The following ATF7 variants were observed in gnomAD, a reference collection of about 807,000 sequenced individuals.
ATF7 encodes the protein cyclic AMP-dependent transcription factor ATF-7.
A neutral mutation model predicts 50.4 loss-of-function variants in ATF7; 10 were observed. The ratio of observed to expected loss-of-function variants is 0.20; its 90% CI spans 0.12 to 0.34. The LOEUF is 0.34. Ranked by LOEUF, ATF7 falls within the 10% of genes least tolerant of loss-of-function variation. ATF7 has a pLI of 1.00. For synonymous variants in ATF7, 201 were observed against 226.4 expected (o/e 0.89, Z 1.01); for missense variants, 465 against 613.9 (o/e 0.76, Z 2.56).
At chr12:53,564,839 A>C (rs1311999698) in intron 2 of ATF7, among the ~76,000 whole-genome samples, 2 of 152,166 alleles carry the variant, frequency 1.3e-5, no homozygotes, top group East Asian at 3.8e-4. Flanking sequence ...ACATGGCCCA[A>C]CATAAATTCG....
chr12:53,622,779 C>G (rs1371313418), intron 1 of ATF7, among the ~76,000 whole-genome samples: 1 of 152,016 alleles, frequency 6.6e-6, no homozygotes, highest in Non-Finnish European at 1.5e-5. Context: ...TCCAGAAGAG[C>G]CTGGGCAATG....
intron 1 of ATF7, among the ~76,000 whole-genome samples, chr12:53,606,612 G>C (rs572958712): frequency 9.7e-4 from 147 of 151,778 alleles, no homozygotes; most frequent in African/African-American, 3.3e-3. Flanking sequence ...TGTGCACAAC[G>C]TGCAGGTTTG....
chr12:53,609,533 G>C (rs1943759679), intron 1 of ATF7, among the ~76,000 whole-genome samples: 1 of 151,252 alleles, frequency 6.6e-6, no homozygotes, highest in Non-Finnish European at 1.5e-5. Context: ...AGCTACTCGG[G>C]AGCTCGGGAG....
At chr12:53,545,625 C>T (rs756276699) in intron 3 of ATF7, among the ~76,000 whole-genome samples, 4 of 152,014 alleles carry the variant, frequency 2.6e-5, no homozygotes, top group Admixed American at 2.0e-4. Flanking sequence ...CGTGAGCCAC[C>T]GCGCCTAGCC....
intron 1 of ATF7, among the ~76,000 whole-genome samples, chr12:53,605,807 AAAC>A (rs1295601079): frequency 6.6e-6 from 1 of 152,238 alleles, no homozygotes; most frequent in Admixed American, 6.5e-5. Flanking sequence ...ATCTAGATTA[AAAC>A]TTCAGGAAGC....
rs981868073 is a variant in ATF7 at position 53,522,024 on chromosome 12, T to C, written c.1234+1252A>G. Among the ~76,000 whole-genome samples the C allele has an allele frequency of 2.6e-5, 4 of 152,248 alleles. No homozygotes were observed. The East Asian group carries it at 5.8e-4, about 22-fold the overall frequency. On this transcript the variant is annotated intron_variant, in intron 11 of 11. Coordinates refer to ENST00000420353, the MANE Select transcript of ATF7 (RefSeq NM_006856.3). ...TGAATTTAATTTGTAAAAAGAAAAC[T>C]AGCATTTATTAGCTTTTATTGACCA... is the stretch of plus-strand genomic sequence containing the variant.
intron 4 of ATF7, among the ~76,000 whole-genome samples, chr12:53,539,740 GA>G (rs1331257583): frequency 2.7e-5 from 4 of 150,838 alleles, no homozygotes; most frequent in African/African-American, 9.8e-5. Flanking sequence ...GAAAAAAAAT[GA>G]CAAAAAGACT....
chr12:53,613,336 G>C (rs953523637), intron 1 of ATF7, among the ~76,000 whole-genome samples: 6 of 152,148 alleles, frequency 3.9e-5, no homozygotes, highest in Non-Finnish European at 7.3e-5. Context: ...ACATTAAAGA[G>C]ATCTGAAGTT....
rs1228022652 is a variant in ATF7, at chr12:53,514,009, G to C, written c.*3128C>G. ...CTTAGGGCCAAGGAGGGAGGTGAAG[G>C]CTAAGGAAGTCAGATTTGAGATGCA... On this transcript the variant is annotated 3_prime_UTR_variant, in exon 12 of 12. Transcript: ENST00000420353. 3 of 152,156 alleles carry C rather than the reference G, an allele frequency of 2.0e-5. 1 individual carries two copies. The East Asian group carries it at 5.8e-4, about 29-fold the overall frequency. 9.4% of individuals were successfully genotyped at this position (152,156 alleles called of 1,614,324 possible). A position where few individuals can be genotyped will look rare whatever the true frequency, so the allele number is the denominator to read the frequency against.
At chr12:53,528,706 T>C (rs1340912151) in intron 9 of ATF7, among the ~76,000 whole-genome samples, 1 of 151,838 alleles carries the variant, frequency 6.6e-6, no homozygotes, top group African/African-American at 2.4e-5. Flanking sequence ...GAGGTTGCAG[T>C]GAGCCGAGAT....
At chr12:53,619,486 CAAAA>C (rs112474373) in intron 1 of ATF7, among the ~76,000 whole-genome samples, 5 of 64,046 alleles carry the variant, frequency 7.8e-5, no homozygotes, top group Admixed American at 1.9e-4. Context: ...GACTCCGTGT[CAAAA>C]AAAAAAAAAA....
At chr12:53,573,553 T>C (rs1941889970) in intron 2 of ATF7, among the ~76,000 whole-genome samples, 1 of 152,134 alleles carries the variant, frequency 6.6e-6, no homozygotes, top group African/African-American at 2.4e-5. Flanking sequence ...ATTTTTTACC[T>C]ATGATTGTTT....
intron 4 of ATF7, among the ~76,000 whole-genome samples, chr12:53,538,616 A>G (rs898964492): frequency 1.3e-5 from 2 of 152,164 alleles, no homozygotes; most frequent in African/African-American, 4.8e-5. Flanking sequence ...TGGCCTTGAC[A>G]CTGAACCAGG....
chr12:53,607,223 T>C, intron 1 of ATF7, among the ~76,000 whole-genome samples: 1 of 152,320 alleles, frequency 6.6e-6, no homozygotes, highest in South Asian at 2.1e-4. Flanking sequence ...TTCCAGCACC[T>C]GTTGTTTCCT....
chr12:53,527,466 G>A lies in ATF7; in HGVS notation c.928-2705C>T, dbSNP rs189877722. On this transcript the variant is annotated intron_variant, in intron 9 of 11. Coordinates refer to ENST00000420353, the MANE Select transcript of ATF7 (RefSeq NM_006856.3). The stretch of plus-strand genomic sequence containing the variant: ...CCATTGCACTCCAGCCTGGGCAACA[G>A]AGCAAGAACCTGACTCAAAAACAAA... Among the ~76,000 whole-genome samples the A allele has an allele frequency of 1.3e-4, 19 of 151,312 alleles. No homozygotes were observed. The East Asian group carries it at 3.7e-3, about 30-fold the overall frequency.
At chr12:53,620,377 C>A (rs1306554341) in intron 1 of ATF7, among the ~76,000 whole-genome samples, 6 of 151,246 alleles carry the variant, frequency 4.0e-5, no homozygotes, top group African/African-American at 1.5e-4. Flanking sequence ...GAGATCGAGA[C>A]CATCCTGGCT....
intron 2 of ATF7, among the ~76,000 whole-genome samples, chr12:53,563,677 T>G (rs1941283318): frequency 6.6e-6 from 1 of 152,260 alleles, no homozygotes. Flanking sequence ...TTTTTTATCC[T>G]TTTCACCTGC....
At chr12:53,558,083 G>A (rs1050054915) in intron 2 of ATF7, among the ~76,000 whole-genome samples, 2 of 152,080 alleles carry the variant, frequency 1.3e-5, no homozygotes, top group Non-Finnish European at 2.9e-5. Context: ...AAGATCCCAC[G>A]GGAATTTTAA....
At chr12:53,586,788 C>T (rs1345126714) in intron 2 of ATF7, among the ~76,000 whole-genome samples, 3 of 152,180 alleles carry the variant, frequency 2.0e-5, no homozygotes, top group Non-Finnish European at 4.4e-5. Flanking sequence ...CTCTCTCACA[C>T]ACACACAAAT....
Sources: gnomAD v4.1 joint callset for allele counts (sites outside exome capture counted in the v4.1 genomes callset) on GRCh38, gnomAD v4.1.1 for gene constraint, MANE v1.5 for transcripts, NCBI Gene and HGNC (gene_info 2026-07-23, HGNC 2026-07-21) for gene names.